NMD3: variants seen among roughly 807,000 people sequenced by gnomAD.
NMD3 encodes NMD3 ribosome export adaptor.
In NMD3, 47 loss-of-function variants were observed where a neutral mutation model predicts 73.1. That is an observed-to-expected ratio of 0.64 (90% CI 0.51 to 0.82). NMD3 has a LOEUF of 0.82. NMD3 is among the 40% of genes least tolerant of loss of function. NMD3 has a pLI of 0.00. For missense variants in NMD3, 554 were observed against 612.5 expected, an observed-to-expected ratio of 0.90 and a Z score of 1.01; for synonymous variants, 210 against 194.5, an observed-to-expected ratio of 1.08 and a Z score of -0.66.
chr3:161,227,256 A>G lies in NMD3; in HGVS notation c.189A>G (p.Gln63=), dbSNP rs200969579. 14 of 1,601,492 alleles carry G rather than the reference A, an allele frequency of 8.7e-6. No homozygotes were observed. The East Asian group carries it at 2.0e-4, about 23-fold the overall frequency. The change falls in exon 4 of 16, where the codon CAA becomes CAG. Residue 63 remains glutamine (Q), a synonymous_variant. Transcript: ENST00000351193. The part of the protein sequence containing the change: ...SFCKQCQRYF[Q]PPGTWIQCAL... ...TTATCTTCTCTTTTAGGTATTTTCA[A>G]CCACCAGGAACTTGGATACAGTGTG...
At chr3:161,246,058 T>C (rs1245481989) in intron 11 of NMD3, among the ~76,000 whole-genome samples, 2 of 152,146 alleles carry the variant, frequency 1.3e-5, no homozygotes, top group Non-Finnish European at 2.9e-5. Context: ...TCTACATATA[T>C]ATATTTTTAG....
chr3:161,222,682 C>T (rs1245189413), intron 2 of NMD3, among the ~76,000 whole-genome samples: 1 of 151,830 alleles, frequency 6.6e-6, no homozygotes, highest in Non-Finnish European at 1.5e-5. Context: ...TGGAATCGTT[C>T]AGCACAGACC....
chr3:161,224,613 A>G (rs971110594), intron 2 of NMD3, among the ~76,000 whole-genome samples: 2 of 152,008 alleles, frequency 1.3e-5, no homozygotes, highest in African/African-American at 4.8e-5. Flanking sequence ...CAGCCTCCCA[A>G]GTAGCTGGGA....
At chr3:161,250,630 ATGAC>A in intron 15 of NMD3, 146 bp from the exon 16 acceptor site, 1 of 581,994 alleles carries the variant, frequency 1.7e-6, no homozygotes, top group Non-Finnish European at 2.9e-6. Flanking sequence ...TGTAATTTGA[ATGAC>A]TGCTGTAAGA....
chr3:161,223,658 T>C (rs1736196048), intron 2 of NMD3, among the ~76,000 whole-genome samples: 1 of 152,234 alleles, frequency 6.6e-6, no homozygotes, highest in African/African-American at 2.4e-5. Context: ...ACCATACTGT[T>C]CACCTAAGCT....
chr3:161,247,519 G>A (rs1339890568), intron 13 of NMD3, among the ~76,000 whole-genome samples, 189 bp downstream of exon 13: 1 of 151,060 alleles, frequency 6.6e-6, no homozygotes, highest in Non-Finnish European at 1.5e-5. Context: ...GGGTGCAGTG[G>A]CTCAAGCCTG....
rs534565905 is a variant in NMD3, at chr3:161,228,594, T to C, written c.276+1251T>C. The stretch of plus-strand genomic sequence containing the variant: ...TCTCTGTTTTTTTATGAAGTCAGTT[T>C]TTTGTGTGTCTTGGTTTTTTGCTTT... On this transcript the variant is annotated intron_variant, in intron 4 of 15. Coordinates refer to ENST00000351193, the MANE Select transcript of NMD3 (RefSeq NM_015938.5). Among the ~76,000 whole-genome samples, 7 of 152,252 alleles carry C rather than the reference T, an allele frequency of 4.6e-5. No individual in the cohort carries two copies. In the South Asian group the frequency reaches 1.2e-3, roughly 27 times the overall value.
At chr3:161,238,375 G>A (rs1178304575) in intron 8 of NMD3, among the ~76,000 whole-genome samples, 184 bp downstream of exon 8, 2 of 152,212 alleles carry the variant, frequency 1.3e-5, no homozygotes, top group Non-Finnish European at 2.9e-5. Flanking sequence ...GTGCTCCAAA[G>A]ATCGGGAAAT....
At chr3:161,235,256 A>T in intron 7 of NMD3, 44 bp downstream of exon 7, 1 of 893,512 alleles carries the variant, frequency 1.1e-6, no homozygotes. Context: ...TCAGATTTTT[A>T]TTTCAACATA....
At chr3:161,236,937 G>C (rs947923999) in intron 7 of NMD3, among the ~76,000 whole-genome samples, 7 of 152,086 alleles carry the variant, frequency 4.6e-5, no homozygotes, top group African/African-American at 1.7e-4. Flanking sequence ...TTAGTACCAT[G>C]CTATCTTGCA....
chr3:161,242,295 GAT>G, intron 10 of NMD3, among the ~76,000 whole-genome samples: 1 of 152,162 alleles, frequency 6.6e-6, no homozygotes, highest in Non-Finnish European at 1.5e-5. Context: ...AACTATTTAA[GAT>G]ATGTTTGACA....
intron 13 of NMD3, 45 bp downstream of exon 13, chr3:161,247,375 G>A: frequency 1.7e-6 from 2 of 1,189,110 alleles, no homozygotes; most frequent in Non-Finnish European, 2.5e-6. Context: ...TAAAGAGGAT[G>A]AATGTAACTC....
chr3:161,238,025 CAG>C, intron 7 of NMD3, 86 bp from the exon 8 acceptor site: 1 of 853,168 alleles, frequency 1.2e-6, no homozygotes, highest in South Asian at 1.7e-5. Flanking sequence ...TTGTTTAAAA[CAG>C]ATGTAATTTA....
At chr3:161,242,949 C>G (rs1737051327) in intron 11 of NMD3, among the ~76,000 whole-genome samples, 1 of 151,926 alleles carries the variant, frequency 6.6e-6, no homozygotes, top group South Asian at 2.1e-4. Flanking sequence ...AGAGGAGGAC[C>G]TTTATTTTTG....
intron 13 of NMD3, among the ~76,000 whole-genome samples, chr3:161,248,607 A>G (rs951662827): frequency 2.6e-5 from 4 of 152,208 alleles, no homozygotes; most frequent in African/African-American, 7.2e-5. Flanking sequence ...AGGCATTTAG[A>G]GTTAAGGCTG....
chr3:161,222,148 G>A, intron 2 of NMD3, 91 bp downstream of exon 2: 1 of 994,106 alleles, frequency 1.0e-6, no homozygotes, highest in Non-Finnish European at 1.6e-6. Flanking sequence ...AGGGTGGGTG[G>A]GAAAGAGCGT....
intron 7 of NMD3, among the ~76,000 whole-genome samples, chr3:161,236,157 A>G (rs1472293714): frequency 1.3e-5 from 2 of 152,060 alleles, no homozygotes; most frequent in African/African-American, 4.8e-5. Flanking sequence ...TCCACTGCCC[A>G]TTGCATATTT....
chr3:161,252,837 G>T (rs1039675619), downstream of NMD3: 2 of 694,326 alleles, frequency 2.9e-6, no homozygotes, highest in Non-Finnish European at 5.2e-6. Flanking sequence ...GGTGGTTGAC[G>T]CCTGTAATCC....
intron 13 of NMD3, among the ~76,000 whole-genome samples, chr3:161,247,646 A>C (rs899702124): frequency 1.3e-5 from 2 of 151,816 alleles, no homozygotes; most frequent in African/African-American, 4.8e-5. Flanking sequence ...AAAATTAGCC[A>C]GGCGTGGTAG....
Sources: allele counts gnomAD v4.1 joint callset (sites outside exome capture counted in the v4.1 genomes callset), GRCh38; gene constraint gnomAD v4.1.1; transcripts MANE v1.5; gene names NCBI Gene and HGNC (gene_info 2026-07-23, HGNC 2026-07-21).